The following TENM2 variants were observed in gnomAD, a reference collection of about 807,000 sequenced individuals.
TENM2 encodes the protein teneurin transmembrane protein 2, also known as teneurin-2.
In TENM2, 52 loss-of-function variants were observed where a neutral mutation model predicts 245.2. The observed-to-expected ratio is 0.21, with a 90% CI of 0.17 to 0.27. TENM2 has a LOEUF of 0.27. Among genes scored for constraint, TENM2 ranks in the 10% least tolerant of loss-of-function variants. The pLI is 1.00. For missense variants in TENM2, 3,046 were observed against 3,666.8 expected (o/e 0.83, Z 4.37); for synonymous variants, 1,363 against 1,438.9 (o/e 0.95, Z 1.19).
At chr5:168,059,400 A>G (rs1172694482) in intron 6 of TENM2, among the ~76,000 whole-genome samples, 1 of 152,222 alleles carries the variant, frequency 6.6e-6, no homozygotes, top group African/African-American at 2.4e-5. Flanking sequence ...AATGCCGGAA[A>G]GCCCAACAGA....
intron 2 of TENM2, among the ~76,000 whole-genome samples, chr5:167,381,492 T>A (rs568677246): frequency 6.6e-6 from 1 of 152,302 alleles, no homozygotes; most frequent in Non-Finnish European, 1.5e-5. Context: ...CATTTTTAGA[T>A]TAACAACCAA....
At chr5:167,927,270 C>G (rs1425085290) in intron 3 of TENM2, among the ~76,000 whole-genome samples, 1 of 152,210 alleles carries the variant, frequency 6.6e-6, no homozygotes, top group Non-Finnish European at 1.5e-5. Flanking sequence ...ATGCCACTTT[C>G]TACTTCTTCC....
intron 12 of TENM2, among the ~76,000 whole-genome samples, chr5:168,130,750 A>C (rs1754503468): frequency 6.6e-6 from 1 of 152,078 alleles, no homozygotes; most frequent in Non-Finnish European, 1.5e-5. Flanking sequence ...TTAGCTGGGC[A>C]TGGTGGTACG....
At chr5:166,989,578 G>A in the TENM2 span, among the ~76,000 whole-genome samples, 14 of 151,682 alleles carry the variant, frequency 9.2e-5, no homozygotes, top group East Asian at 2.7e-3. Flanking sequence ...TTTTTGTAGA[G>A]ATAGGGTTTT....
At chr5:167,314,470 A>G (rs1007053328) in intron 1 of TENM2, among the ~76,000 whole-genome samples, 10 of 152,214 alleles carry the variant, frequency 6.6e-5, no homozygotes, top group African/African-American at 2.2e-4. Flanking sequence ...GGATTTAGCA[A>G]CATTCTAATT....
chr5:167,493,800 G>A (rs1202080540), intron 2 of TENM2, among the ~76,000 whole-genome samples: 2 of 152,060 alleles, frequency 1.3e-5, no homozygotes, highest in African/African-American at 4.8e-5. Flanking sequence ...CAGGAAAGAA[G>A]GAGTATTTGG....
chr5:167,153,681 A>ACG, the TENM2 span, among the ~76,000 whole-genome samples: 28 of 151,902 alleles, frequency 1.8e-4, no homozygotes, highest in African/African-American at 6.1e-4. Context: ...ATATATATAT[A>ACG]TACACACACA....
chr5:167,564,299 A>T (rs1485660864), intron 2 of TENM2, among the ~76,000 whole-genome samples: 1 of 152,192 alleles, frequency 6.6e-6, no homozygotes, highest in African/African-American at 2.4e-5. Context: ...CATGAAGAAG[A>T]ACCTTTGAGG....
chr5:167,968,853 A>G (rs2151913830), intron 4 of TENM2, among the ~76,000 whole-genome samples: 1 of 152,282 alleles, frequency 6.6e-6, no homozygotes, highest in African/African-American at 2.4e-5. Context: ...CCAATTCAGG[A>G]AAATGAAGGA....
chr5:167,665,655 T>C (rs1755524100), intron 2 of TENM2, among the ~76,000 whole-genome samples: 1 of 152,170 alleles, frequency 6.6e-6, no homozygotes, highest in Non-Finnish European at 1.5e-5. Context: ...CTTACATAAA[T>C]TGACTCTGAT....
chr5:167,272,067 T>A, the TENM2 span, among the ~76,000 whole-genome samples: 1 of 152,124 alleles, frequency 6.6e-6, no homozygotes, highest in Non-Finnish European at 1.5e-5. Flanking sequence ...AGACTGGAAA[T>A]CTTAGAGTAC....
chr5:167,460,966 A>C (rs1582111301), intron 2 of TENM2, among the ~76,000 whole-genome samples: 1 of 152,324 alleles, frequency 6.6e-6, no homozygotes, highest in East Asian at 1.9e-4. Context: ...TTTGGTTTCA[A>C]ACCACAAATA....
chr5:167,691,060 A>C (rs921049170), intron 2 of TENM2, among the ~76,000 whole-genome samples: 6 of 152,034 alleles, frequency 3.9e-5, no homozygotes, highest in Non-Finnish European at 8.8e-5. Flanking sequence ...GACAAATTGA[A>C]AACAAAGTAT....
At chr5:167,500,693 T>C (rs1001141759) in intron 2 of TENM2, among the ~76,000 whole-genome samples, 4 of 152,150 alleles carry the variant, frequency 2.6e-5, no homozygotes, top group Non-Finnish European at 5.9e-5. Flanking sequence ...CTTTTCTGCC[T>C]GGTTTCTAGC....
At chr5:167,277,959 TTTTTG>T in the TENM2 span, among the ~76,000 whole-genome samples, 2 of 151,876 alleles carry the variant, frequency 1.3e-5, no homozygotes, top group African/African-American at 2.4e-5. Flanking sequence ...GCATGATACC[TTTTTG>T]TTTTGTTTTG....
chr5:167,566,967 G>A (rs986391), intron 2 of TENM2, among the ~76,000 whole-genome samples: 74,251 of 152,028 alleles, frequency 0.49, 20,905 homozygotes, highest in Middle Eastern at 0.65. Flanking sequence ...AAACCAAAAT[G>A]CCAGAACATG....
chr5:168,021,775 CTTT>C lies in TENM2; in HGVS notation c.1187-25638_1187-25636del, dbSNP rs10563117. ...ACAGACTGTCCTACATATTTGAAATCTTTTTTTTTTTTTTTTCTATTTTAAAGG... is the reference window on the plus strand; with the variant it reads ...ACAGACTGTCCTACATATTTGAAATCTTTTTTTTTTTTTCTATTTTAAAGG... On this transcript the variant is annotated intron_variant, in intron 5 of 28. Coordinates refer to ENST00000518659, the Ensembl canonical transcript of TENM2. 5.2e-3 allele frequency among the ~76,000 whole-genome samples: 742 copies of C among 143,500 alleles called. 5 individuals are homozygous for C. Among genetic ancestry groups the C allele is most frequent in the African/African-American group, 0.016 (646 of 39,522 alleles). 94.1% of individuals were successfully genotyped at this position (143,500 alleles called of 152,430 possible). A position where few individuals can be genotyped will look rare whatever the true frequency, so the allele number is the denominator to read the frequency against.
chr5:167,280,369 A>C (rs1308652040), upstream of TENM2, among the ~76,000 whole-genome samples: 1 of 152,094 alleles, frequency 6.6e-6, no homozygotes, highest in African/African-American at 2.4e-5. Context: ...GAAGGGGAGG[A>C]GTGCCTTGTT....
chr5:167,159,882 C>T, the TENM2 span, among the ~76,000 whole-genome samples: 1 of 152,128 alleles, frequency 6.6e-6, no homozygotes, highest in Non-Finnish European at 1.5e-5. Context: ...GTAGAGAGGG[C>T]ATTCTTTCTG....
Sources: gnomAD v4.1 joint callset for allele counts (sites outside exome capture counted in the v4.1 genomes callset) on GRCh38, gnomAD v4.1.1 for gene constraint, MANE v1.5 for transcripts, NCBI Gene and HGNC (gene_info 2026-07-23, HGNC 2026-07-21) for gene names.